The following MYO18B variants were observed in gnomAD, a reference collection of about 807,000 sequenced individuals.
MYO18B encodes the protein unconventional myosin-XVIIIb.
In MYO18B, 204 loss-of-function variants were observed where a neutral mutation model predicts 273.0. The ratio of observed to expected loss-of-function variants is 0.75; its 90% CI spans 0.67 to 0.84. MYO18B has a LOEUF of 0.84. MYO18B is among the 40% of genes least tolerant of loss of function. The pLI, the probability that MYO18B is intolerant of heterozygous loss-of-function variation, is 0.00. For missense variants in MYO18B, 3,212 were observed against 3,287.6 expected (o/e 0.98, Z 0.56); for synonymous variants, 1,330 against 1,305.7 (o/e 1.02, Z -0.40).
chr22:25,984,132 C>T (rs1231102851), intron 39 of MYO18B, among the ~76,000 whole-genome samples: 2 of 118,962 alleles, frequency 1.7e-5, no homozygotes, highest in Non-Finnish European at 3.9e-5. Flanking sequence ...CACAATTTTA[C>T]ATTATTTCAT....
intron 21 of MYO18B, among the ~76,000 whole-genome samples, chr22:25,867,498 A>G (rs949209369): frequency 1.3e-5 from 2 of 152,208 alleles, no homozygotes. Context: ...CATTGTATGG[A>G]TAGACCACAT....
intron 42 of MYO18B, among the ~76,000 whole-genome samples, chr22:26,016,687 CA>C (rs1935357343): frequency 1.3e-5 from 2 of 152,186 alleles, no homozygotes; most frequent in African/African-American, 4.8e-5. Context: ...TTCTTTGAGG[CA>C]GTCCTGATGC....
intron 40 of MYO18B, among the ~76,000 whole-genome samples, chr22:25,997,855 G>A (rs1361227845): frequency 6.6e-6 from 1 of 151,912 alleles, no homozygotes; most frequent in Non-Finnish European, 1.5e-5. Flanking sequence ...TTGGATTAGA[G>A]CCTGAGGGAC....
intron 25 of MYO18B, among the ~76,000 whole-genome samples, chr22:25,889,307 A>G (rs908149049): frequency 2.0e-5 from 3 of 152,168 alleles, no homozygotes; most frequent in Admixed American, 6.5e-5. Flanking sequence ...TGCTCATTGT[A>G]AGAACCATTT....
chr22:25,826,708 G>A (rs1289502520), intron 14 of MYO18B, among the ~76,000 whole-genome samples: 1 of 152,190 alleles, frequency 6.6e-6, no homozygotes, highest in Admixed American at 6.5e-5. Flanking sequence ...TTCCTCGTCT[G>A]TACAATAGCT....
At chr22:25,875,721 T>C (rs1427235158) in intron 23 of MYO18B, among the ~76,000 whole-genome samples, 1 of 152,230 alleles carries the variant, frequency 6.6e-6, no homozygotes, top group East Asian at 1.9e-4. Flanking sequence ...TTGAGAAGCA[T>C]GAAATTACTG....
chr22:25,789,335 A>T lies in MYO18B; in HGVS notation c.2376+3844A>T, dbSNP rs1015895118. Among the ~76,000 whole-genome samples the T allele has an allele frequency of 2.6e-5, 4 of 152,274 alleles. No individual in the cohort carries two copies. In the East Asian group the frequency reaches 7.7e-4, roughly 29 times the overall value. On this transcript the variant is annotated intron_variant, in intron 11 of 43. Transcript: ENST00000335473. ...TTAATGAAGCATCTGTTTAAAAAAA[A>T]AACAAAAAACTAAATTATGGCTGGG... is the stretch of plus-strand genomic sequence containing the variant.
chr22:25,999,229 A>G (rs1266521878), intron 40 of MYO18B, among the ~76,000 whole-genome samples: 1 of 152,170 alleles, frequency 6.6e-6, no homozygotes, highest in East Asian at 1.9e-4. Context: ...GCTAATGGCC[A>G]AGCGTTGTTG....
chr22:26,000,366 A>G (rs997273806), intron 40 of MYO18B, among the ~76,000 whole-genome samples: 3 of 152,166 alleles, frequency 2.0e-5, no homozygotes, highest in East Asian at 1.9e-4. Flanking sequence ...CCTTCCTCCT[A>G]GGTCTCTCTT....
intron 1 of MYO18B, among the ~76,000 whole-genome samples, chr22:25,753,879 C>T (rs988466790): frequency 2.0e-5 from 3 of 152,222 alleles, no homozygotes; most frequent in African/African-American, 7.2e-5. Context: ...CGAGGGTCCA[C>T]GGCTTTATTC....
At chr22:25,998,121 C>T (rs552698271) in intron 40 of MYO18B, among the ~76,000 whole-genome samples, 1 of 152,276 alleles carries the variant, frequency 6.6e-6, no homozygotes, top group East Asian at 1.9e-4. Flanking sequence ...AACGTGGCTA[C>T]GTGCTCAGAA....
At chr22:25,808,365 T>C (rs2088580530) in intron 12 of MYO18B, among the ~76,000 whole-genome samples, 2 of 152,146 alleles carry the variant, frequency 1.3e-5, no homozygotes, top group South Asian at 4.1e-4. Flanking sequence ...CCCTGACAGG[T>C]AGGGAAGGAG....
chr22:26,027,233 G>T lies in MYO18B; in HGVS notation c.7259G>T (p.Gly2420Val). Residue 2420 changes from glycine (G) to valine (V), a missense_variant, in exon 43 of 44, where the codon GGC (glycine) becomes GTC (valine). Gly to Val is a moderately radical substitution (Grantham distance 109). Coordinates refer to ENST00000335473, the MANE Select transcript of MYO18B (RefSeq NM_032608.7). The surrounding 1 kb of genome is among the most constrained non-coding windows in gnomAD (Gnocchi z 4.1). ...GCCCACCTGATGGAGGAACCTCTAG[G>T]CAGTGACCCATTCAGCTGGAAACTC... ...QFAHLMEEPL[G>V]SDPFSWKLPS... 6.2e-7 allele frequency: 1 copy of T among 1,613,946 alleles called. No homozygotes were observed. Among genetic ancestry groups the T allele is most frequent in the Non-Finnish European group, 8.5e-7 (1 of 1,179,894 alleles).
rs536219122 is a variant in MYO18B at position 25,755,749 on chromosome 22, C to G, written c.-109-5235C>G. Among the ~76,000 whole-genome samples, 9 of 152,284 alleles carry G rather than the reference C, an allele frequency of 5.9e-5. No individual in the cohort carries two copies. In the South Asian group the frequency reaches 1.2e-3, roughly 21 times the overall value. ...CCAGTCTGGTACTTCCCTCCTCCCT[C>G]TCTCTGTCTCTCGCTCCCTCTCTCA... On this transcript the variant is annotated intron_variant, in intron 1 of 43. Transcript: ENST00000335473.
chr22:26,026,794 G>A lies in MYO18B; in HGVS notation c.6820G>A (p.Asp2274Asn), dbSNP rs371805086. The A allele has an allele frequency of 6.2e-7, 1 of 1,602,252 alleles. No homozygotes were observed. Among genetic ancestry groups the A allele is most frequent in the African/African-American group, 1.3e-5 (1 of 74,428 alleles). ...RGQGSTLGLE[D>N]WPTLPIYQTT... ...CCAGGGGTCCACGCTGGGCCTAGAG[G>A]ACTGGCCCACTCTCCCCATTTACCA... is the stretch of plus-strand genomic sequence containing the variant. Residue 2274 changes from aspartate (D) to asparagine (N), a missense_variant, in exon 43 of 44, where the codon GAC (aspartate) becomes AAC (asparagine). Transcript: ENST00000335473.
chr22:25,805,198 G>A (rs948314015), intron 12 of MYO18B, among the ~76,000 whole-genome samples: 4 of 152,206 alleles, frequency 2.6e-5, no homozygotes, highest in East Asian at 3.9e-4. Flanking sequence ...CATCCCATTC[G>A]CTCCTCCAGA....
chr22:25,894,997 G>A (rs2091762456), intron 27 of MYO18B, 159 bp from the exon 28 acceptor site: 1 of 848,728 alleles, frequency 1.2e-6, no homozygotes, highest in Non-Finnish European at 1.8e-6. Context: ...AAAACTCAGA[G>A]TTAAAGCATA....
chr22:25,855,816 ACTTT>A (rs1464161860), intron 21 of MYO18B, among the ~76,000 whole-genome samples: 2 of 147,974 alleles, frequency 1.4e-5, no homozygotes, highest in Non-Finnish European at 1.5e-5. Context: ...TGAAGACCCT[ACTTT>A]CTTTCTTTTT....
chr22:25,820,197 C>T (rs1236555671), intron 12 of MYO18B, among the ~76,000 whole-genome samples: 1 of 150,812 alleles, frequency 6.6e-6, no homozygotes, highest in Non-Finnish European at 1.5e-5. Context: ...ATAAAACGAG[C>T]ATAGTCTGTA....
Sources: allele counts gnomAD v4.1 joint callset (sites outside exome capture counted in the v4.1 genomes callset), GRCh38; gene constraint gnomAD v4.1.1; non-coding constraint Gnocchi (gnomAD v3.1); transcripts MANE v1.5; gene names NCBI Gene and HGNC (gene_info 2026-07-23, HGNC 2026-07-21).